Variants in CCL28 observed in about 807,000 individuals in gnomAD.
CCL28 encodes C-C motif chemokine 28.
CCL28 carries 4 observed loss-of-function variants against 7.1 expected under a neutral mutation model. The observed-to-expected ratio is 0.56, with a 90% CI of 0.28 to 1.29. The LOEUF is 1.29. Among genes scored for constraint, CCL28 ranks in the 50% most tolerant of loss-of-function variants. The pLI is 0.11. For missense variants in CCL28, 151 were observed against 163.4 expected, an observed-to-expected ratio of 0.92 and a Z score of 0.41; for synonymous variants, 55 against 57.8, an observed-to-expected ratio of 0.95 and a Z score of 0.22.
intron 2 of CCL28, 55 bp from the exon 3 acceptor site, chr5:43,382,107 CACTT>C (rs1199596264): frequency 2.7e-6 from 4 of 1,499,226 alleles, no homozygotes; most frequent in Non-Finnish European, 3.6e-6. Context: ...TATAAATAAT[CACTT>C]AGTGACTTAC....
chr5:43,398,157 A>C lies in CCL28; in HGVS notation c.65-9681T>G, dbSNP rs531086803. Among the ~76,000 whole-genome samples the C allele has an allele frequency of 8.5e-5, 13 of 152,378 alleles. 1 individual carries two copies. In the South Asian group the frequency reaches 2.7e-3, roughly 32 times the overall value. The stretch of plus-strand genomic sequence containing the variant: ...CTTTGTAACAGACACCGAGTATATA[A>C]GAATTAATAAGTCATAGTACCTGCC... On this transcript the variant is annotated intron_variant, in intron 1 of 2. Transcript: ENST00000361115.
rs1218267099 is a variant in CCL28 at position 43,381,035 on chromosome 5, A to T, written c.*825T>A. The T allele has an allele frequency of 2.0e-5, 3 of 152,038 alleles. No individual in the cohort carries two copies. The highest frequency in any genetic ancestry group is 6.5e-5 in the Admixed American group (1 of 15,270). The allele number at this position is 152,038 out of a possible 1,614,324, so 9.4% of individuals were successfully genotyped here. ...TAGGTATAAAACTGATAAGGTGATT[A>T]TGTAGAAAAATGTCTTTATTTTAGG... On this transcript the variant is annotated 3_prime_UTR_variant, in exon 3 of 3. Coordinates refer to ENST00000361115, the MANE Select transcript of CCL28 (RefSeq NM_148672.3).
chr5:43,361,671 T>C, the CCL28 span, among the ~76,000 whole-genome samples: 10,769 of 152,230 alleles, frequency 0.071, 557 homozygotes, highest in Middle Eastern at 0.11. Flanking sequence ...TTATATATGG[T>C]GTAAAGAAGG....
intron 1 of CCL28, 123 bp from the exon 2 acceptor site, chr5:43,388,599 T>C: frequency 1.1e-6 from 1 of 895,264 alleles, no homozygotes; most frequent in African/African-American, 1.7e-5. Context: ...AACATGGCTT[T>C]GTGAATACAG....
intron 1 of CCL28, among the ~76,000 whole-genome samples, chr5:43,404,858 C>T (rs929179623): frequency 6.6e-6 from 1 of 152,126 alleles, no homozygotes; most frequent in Non-Finnish European, 1.5e-5. Flanking sequence ...GGGTTGCAAT[C>T]CTAGTCTCTG....
At chr5:43,362,529 T>C in the CCL28 span, among the ~76,000 whole-genome samples, 123 of 152,320 alleles carry the variant, frequency 8.1e-4, no homozygotes, top group African/African-American at 2.9e-3. Flanking sequence ...TGGATTCACT[T>C]ATAGTTACTA....
chr5:43,388,168 G>C, intron 2 of CCL28, 182 bp downstream of exon 2: 1 of 650,700 alleles, frequency 1.5e-6, no homozygotes, highest in East Asian at 2.9e-5. Context: ...TCTTTGGACA[G>C]AGAGACTATG....
At chr5:43,375,458 T>TAAAAAAA (rs56289620), downstream of CCL28, among the ~76,000 whole-genome samples, 8 of 32,748 alleles carry the variant, frequency 2.4e-4, no homozygotes, top group Admixed American at 6.0e-4. Context: ...GACAGAAAGC[T>TAAAAAAA]AAAAAAAAAA....
At chr5:43,359,378 G>T in the CCL28 span, among the ~76,000 whole-genome samples, 1 of 152,322 alleles carries the variant, frequency 6.6e-6, no homozygotes, top group East Asian at 1.9e-4. Flanking sequence ...GAAATGAAAG[G>T]ATGGGCTCTG....
Position 43,412,282 on chromosome 5 carries a change from G to A in CCL28, c.35C>T (p.Ala12Val). The change falls in exon 1 of 3, where the codon GCT becomes GTT. Residue 12 changes from alanine to valine, a missense_variant. Ala to Val is a moderately conservative substitution (Grantham distance 64, BLOSUM62 0). Transcript: ENST00000361115. ...QQRGLAIVAL[A>V]VCAALHASEA... Reference sequence around the variant, plus strand: ...TGAGGCATGTAGGGCCGCACAGACAGCCAAGGCCACGATGGCGAGTCCTCT... The same window carrying A: ...TGAGGCATGTAGGGCCGCACAGACAACCAAGGCCACGATGGCGAGTCCTCT... 1 of 1,612,900 alleles carries A rather than the reference G, an allele frequency of 6.2e-7. No homozygotes were observed. The highest frequency in any genetic ancestry group is 8.5e-7 in the Non-Finnish European group (1 of 1,179,406).
chr5:43,375,458 TAAAAAAA>T (rs56289620), downstream of CCL28, among the ~76,000 whole-genome samples: 492 of 32,724 alleles, frequency 0.015, 1 homozygote, highest in African/African-American at 0.025. Flanking sequence ...GACAGAAAGC[TAAAAAAA>T]AAAAAAAAAA....
chr5:43,361,952 TTGCTTAGGATTGCC>T, the CCL28 span, among the ~76,000 whole-genome samples: 1 of 152,230 alleles, frequency 6.6e-6, no homozygotes, highest in Non-Finnish European at 1.5e-5. Flanking sequence ...CTTTGTTTTT[TTGCTTAGGATTGCC>T]TTGGCTATTC....
At chr5:43,367,426 G>A in the CCL28 span, among the ~76,000 whole-genome samples, 1 of 152,192 alleles carries the variant, frequency 6.6e-6, no homozygotes, top group Admixed American at 6.5e-5. Flanking sequence ...CGTAGTATCT[G>A]GGCCGGAGTG....
At chr5:43,368,476 G>A in the CCL28 span, among the ~76,000 whole-genome samples, 39 of 152,164 alleles carry the variant, frequency 2.6e-4, no homozygotes, top group Admixed American at 4.6e-4. Context: ...ATGAGGGGAG[G>A]TGCTATATGC....
Position 43,380,327 on chromosome 5 carries a change from G to A in CCL28, c.*1533C>T, listed in dbSNP as rs933740803. On this transcript the variant is annotated 3_prime_UTR_variant, in exon 3 of 3. Transcript: ENST00000361115. ...AGGCTTTTTGTTCTTTTCAGTATCAGAAAATTTCAATCCAAACAACGGTAG... is the reference window on the plus strand; with the variant it reads ...AGGCTTTTTGTTCTTTTCAGTATCAAAAAATTTCAATCCAAACAACGGTAG... 1 of 152,098 alleles carries A rather than the reference G, an allele frequency of 6.6e-6. No homozygotes were observed. The highest frequency in any genetic ancestry group is 1.5e-5 in the Non-Finnish European group (1 of 68,028). 9.4% of individuals were successfully genotyped at this position (152,098 alleles called of 1,614,324 possible).
At chr5:43,373,216 G>A (rs1739824252), downstream of CCL28, among the ~76,000 whole-genome samples, 2 of 152,156 alleles carry the variant, frequency 1.3e-5, no homozygotes, top group Admixed American at 1.3e-4. Context: ...AGTGAAGACA[G>A]TTCTCCAAAA....
chr5:43,404,109 C>T (rs1741162693), intron 1 of CCL28, among the ~76,000 whole-genome samples: 1 of 152,196 alleles, frequency 6.6e-6, no homozygotes, highest in Non-Finnish European at 1.5e-5. Context: ...AGGAGAACTT[C>T]CCCAACCTAG....
chr5:43,403,203 G>A (rs1482919189), intron 1 of CCL28, among the ~76,000 whole-genome samples: 1 of 152,228 alleles, frequency 6.6e-6, no homozygotes, highest in African/African-American at 2.4e-5. Flanking sequence ...AGAATGGACA[G>A]ATTGCATCCT....
downstream of CCL28, among the ~76,000 whole-genome samples, chr5:43,371,992 T>C (rs1380056924): frequency 6.6e-6 from 1 of 151,938 alleles, no homozygotes; most frequent in Non-Finnish European, 1.5e-5. Context: ...GTGGATCACA[T>C]GGTAAGAGAG....
Sources: gnomAD v4.1 joint callset for allele counts (sites outside exome capture counted in the v4.1 genomes callset) on GRCh38, gnomAD v4.1.1 for gene constraint, MANE v1.5 for transcripts, NCBI Gene and HGNC (gene_info 2026-07-23, HGNC 2026-07-21) for gene names.